The following DGKB variants were observed in gnomAD, a reference collection of about 807,000 sequenced individuals.
The protein encoded by DGKB is diacylglycerol kinase beta.
Under a neutral mutation model 114.3 loss-of-function variants are expected in DGKB, and 67 were observed. The observed-to-expected ratio is 0.59, with a 90% CI of 0.48 to 0.72. The LOEUF is 0.72. Ranked by LOEUF, DGKB falls within the 30% of genes least tolerant of loss-of-function variation. DGKB has a pLI of 0.00. For synonymous variants in DGKB, 398 were observed against 323.1 expected, an observed-to-expected ratio of 1.23 and a Z score of -2.49; for missense variants, 907 against 975.2, an observed-to-expected ratio of 0.93 and a Z score of 0.93.
chr7:14,915,403 A>T (rs1406660343), intron 1 of DGKB, among the ~76,000 whole-genome samples: 1 of 152,118 alleles, frequency 6.6e-6, no homozygotes, highest in South Asian at 2.1e-4. Flanking sequence ...GGAAGAAAGA[A>T]CAAGAAAAAT....
In DGKB at chr7:14,148,307, G is replaced by T. The variant is rs1781699492; in HGVS notation, c.*824C>A. 1 of 152,480 alleles carries T rather than the reference G, an allele frequency of 6.6e-6. No individual in the cohort carries two copies. The allele number at this position is 152,480 out of a possible 1,614,324, so 9.4% of individuals were successfully genotyped here. ...CATTAACCCATTTCTCTCAAGCATT[G>T]TTTTCTGAATCTTTGGTGGGAAACA... On this transcript the variant is annotated 3_prime_UTR_variant, in exon 26 of 26. Coordinates refer to ENST00000402815, the MANE Select transcript of DGKB (RefSeq NM_001350709.2).
At chr7:14,752,432 G>T (rs974876382) in intron 4 of DGKB, among the ~76,000 whole-genome samples, 5 of 152,106 alleles carry the variant, frequency 3.3e-5, no homozygotes, top group Non-Finnish European at 5.9e-5. Flanking sequence ...AGCCCCTGTG[G>T]AGTTATGAAA....
chr7:14,836,407 T>A (rs530922449), intron 2 of DGKB, among the ~76,000 whole-genome samples: 1 of 152,156 alleles, frequency 6.6e-6, no homozygotes, highest in African/African-American at 2.4e-5. Context: ...ACATTATATA[T>A]AGCAAATAAA....
At chr7:14,587,812 G>T (rs950953299) in intron 17 of DGKB, among the ~76,000 whole-genome samples, 20 of 152,060 alleles carry the variant, frequency 1.3e-4, no homozygotes, top group South Asian at 6.2e-4. Flanking sequence ...TTAAATTAAG[G>T]TATATACATT....
At chr7:14,213,590 GTTC>G (rs1788486764) in intron 23 of DGKB, among the ~76,000 whole-genome samples, 1 of 152,282 alleles carries the variant, frequency 6.6e-6, no homozygotes, top group Non-Finnish European at 1.5e-5. Flanking sequence ...TAAGCTTGGA[GTTC>G]TTCTCCTATG....
intron 20 of DGKB, among the ~76,000 whole-genome samples, chr7:14,513,771 T>C (rs931838878): frequency 2.6e-5 from 4 of 152,036 alleles, no homozygotes; most frequent in Non-Finnish European, 5.9e-5. Flanking sequence ...GAATAATGTT[T>C]AGTTAAAGCA....
In DGKB at chr7:14,841,322, G is replaced by A. The variant is rs114828513; in HGVS notation, c.-59C>T. Reference sequence around the variant, plus strand: ...AAAAGATTCTTTATTCAGGTGTTGCGCAGAGGTCTATGCTTCAAAGATTCC... The same window carrying A: ...AAAAGATTCTTTATTCAGGTGTTGCACAGAGGTCTATGCTTCAAAGATTCC... On this transcript the variant is annotated 5_prime_UTR_variant, in exon 2 of 26. Coordinates refer to ENST00000402815, the MANE Select transcript of DGKB (RefSeq NM_001350709.2). 874 of 1,469,052 alleles carry A rather than the reference G, an allele frequency of 5.9e-4. 5 individuals carry two copies. In the African/African-American group the frequency reaches 8.2e-3, roughly 14 times the overall value. The allele number at this position is 1,469,052 out of a possible 1,614,324, so 91.0% of individuals were successfully genotyped here. A position where few individuals can be genotyped will look rare whatever the true frequency, so the allele number is the denominator to read the frequency against.
At chr7:14,672,805 A>AT (rs1178527327) in intron 13 of DGKB, 124 bp downstream of exon 13, 1 of 507,648 alleles carries the variant, frequency 2.0e-6, no homozygotes, top group African/African-American at 1.9e-5. Flanking sequence ...GTAACGACGT[A>AT]TTTTAGATCT....
intron 2 of DGKB, 43 bp from the exon 3 acceptor site, chr7:14,757,774 C>A: frequency 2.6e-6 from 3 of 1,140,072 alleles, no homozygotes; most frequent in Non-Finnish European, 1.3e-6. Context: ...TATGCACATA[C>A]TGTGGTTGTG....
chr7:14,957,188 A>G (rs1286677875), intron 1 of DGKB, among the ~76,000 whole-genome samples: 1 of 152,020 alleles, frequency 6.6e-6, no homozygotes, highest in Non-Finnish European at 1.5e-5. Flanking sequence ...GCCTGATTCA[A>G]TGACTAAAAA....
intron 23 of DGKB, among the ~76,000 whole-genome samples, chr7:14,240,889 C>G (rs1326450923): frequency 6.6e-6 from 1 of 151,998 alleles, no homozygotes; most frequent in Non-Finnish European, 1.5e-5. Flanking sequence ...TATATATTCT[C>G]CTTATTGAAT....
At position 14,696,352 on chromosome 7, in the gene DGKB, G is replaced by A. The variant is rs374425490; in HGVS notation, c.591+1743C>T. Among the ~76,000 whole-genome samples, 1,030 of 151,620 alleles carry A rather than the reference G, an allele frequency of 6.8e-3. 10 individuals are homozygous for A. The highest frequency in any genetic ancestry group is 0.023 in the African/African-American group (954 of 41,400). On this transcript the variant is annotated intron_variant, in intron 8 of 25. Coordinates refer to ENST00000402815, the MANE Select transcript of DGKB (RefSeq NM_001350709.2). Reference sequence around the variant, plus strand: ...ACTAAAAATACAAAAAAAATTAGCCGGGCGCGGTGGCGGGCGCCTGTAGTC... The same window carrying A: ...ACTAAAAATACAAAAAAAATTAGCCAGGCGCGGTGGCGGGCGCCTGTAGTC...
At chr7:14,681,140 C>T (rs1465840910) in intron 12 of DGKB, among the ~76,000 whole-genome samples, 1 of 151,508 alleles carries the variant, frequency 6.6e-6, no homozygotes, top group Non-Finnish European at 1.5e-5. Context: ...TAAAAATCTA[C>T]ATGAATGTTT....
intron 21 of DGKB, among the ~76,000 whole-genome samples, chr7:14,352,765 A>C (rs1813716489): frequency 6.6e-6 from 1 of 152,090 alleles, no homozygotes; most frequent in Admixed American, 6.6e-5. Flanking sequence ...TCTACTAAAA[A>C]TACAAAAATT....
chr7:14,348,132 C>G (rs924708345), intron 21 of DGKB, among the ~76,000 whole-genome samples: 1 of 151,892 alleles, frequency 6.6e-6, no homozygotes, highest in Non-Finnish European at 1.5e-5. Flanking sequence ...CCTCATGTTG[C>G]TCTTTTATAA....
intron 1 of DGKB, among the ~76,000 whole-genome samples, chr7:14,920,765 A>T (rs1360940717): frequency 2.0e-5 from 3 of 152,198 alleles, no homozygotes; most frequent in Non-Finnish European, 4.4e-5. Flanking sequence ...TCAACAGAGG[A>T]AAAGATAAGT....
intron 1 of DGKB, among the ~76,000 whole-genome samples, chr7:14,940,713 CAT>C (rs770006787): frequency 8.0e-4 from 122 of 152,168 alleles, no homozygotes; most frequent in African/African-American, 2.7e-3. Flanking sequence ...TATATTAGCA[CAT>C]GTGTATTTTT....
At chr7:14,757,204 C>T (rs1055009607) in intron 3 of DGKB, among the ~76,000 whole-genome samples, 1 of 151,894 alleles carries the variant, frequency 6.6e-6, no homozygotes, top group African/African-American at 2.4e-5. Context: ...AACTCCCTAC[C>T]CCTACACCAA....
chr7:14,535,341 C>T (rs556097914), intron 20 of DGKB, among the ~76,000 whole-genome samples: 1 of 149,212 alleles, frequency 6.7e-6, no homozygotes, highest in African/African-American at 2.5e-5. Context: ...AAAACTCTGG[C>T]CTGGGTGACA....
Sources: allele counts gnomAD v4.1 joint callset (sites outside exome capture counted in the v4.1 genomes callset), GRCh38; gene constraint gnomAD v4.1.1; transcripts MANE v1.5; gene names NCBI Gene and HGNC (gene_info 2026-07-23, HGNC 2026-07-21).